The following SNRNP25 variants were observed in gnomAD, a reference collection of about 807,000 sequenced individuals.
SNRNP25 encodes small nuclear ribonucleoprotein U11/U12 subunit 25.
In SNRNP25, 21 loss-of-function variants were observed where a neutral mutation model predicts 23.9. The observed-to-expected ratio is 0.88, with a 90% CI of 0.62 to 1.27. SNRNP25 has a LOEUF of 1.27. Among genes scored for constraint, SNRNP25 ranks in the 50% most tolerant of loss-of-function variants. The pLI, the probability that SNRNP25 is intolerant of heterozygous loss-of-function variation, is 0.00. For synonymous variants in SNRNP25, 63 were observed against 60.4 expected (o/e 1.04, Z -0.20); for missense variants, 160 against 156.9 (o/e 1.02, Z -0.11).
chr16:55,730 T>G (rs1253141497), intron 2 of SNRNP25, 47 bp from the exon 3 acceptor site: 10 of 1,604,870 alleles, frequency 6.2e-6, no homozygotes, highest in African/African-American at 1.3e-5. Flanking sequence ...GGCTGTGGCT[T>G]TGGGTTCTCA....
chr16:57,451 A>C lies in SNRNP25; in HGVS notation c.*308A>C. On this transcript the variant is annotated 3_prime_UTR_variant, in exon 5 of 5. Coordinates refer to ENST00000293861, the MANE Select transcript of SNRNP25 (RefSeq NM_024571.4). ...TAAACCTGTTTGCTTCTTAGTTTGA[A>C]AAGTAGAAAGCCACAGTAACCTGGG... 1 of 419,862 alleles carries C rather than the reference A, an allele frequency of 2.4e-6. No individual in the cohort carries two copies. Among genetic ancestry groups the C allele is most frequent in the Non-Finnish European group, 4.4e-6 (1 of 228,856 alleles). The allele number at this position is 419,862 out of a possible 1,614,324, so 26.0% of individuals were successfully genotyped here.
At position 53,835 on chromosome 16, in the gene SNRNP25, C is replaced by T; in HGVS notation, c.-182C>T. 2 of 1,393,008 alleles carry T rather than the reference C, an allele frequency of 1.4e-6. No homozygotes were observed. The highest frequency in any genetic ancestry group is 1.9e-6 in the Non-Finnish European group (2 of 1,054,564). The allele number at this position is 1,393,008 out of a possible 1,614,324, so 86.3% of individuals were successfully genotyped here. ...GCCTCGCTGGGGCGGGCCGCAGTTC[C>T]TGCGCGTGCGCGCTTGGCCTCCCTA... On this transcript the variant is annotated 5_prime_UTR_variant, in exon 1 of 5. Transcript: ENST00000293861.
Position 55,514 on chromosome 16 carries a change from C to G in SNRNP25, c.98C>G (p.Thr33Arg). The G allele has an allele frequency of 6.2e-7, 1 of 1,614,150 alleles. No individual in the cohort carries two copies. Among genetic ancestry groups the G allele is most frequent in the Non-Finnish European group, 8.5e-7 (1 of 1,180,024 alleles). Residue 33 changes from threonine (T) to arginine (R), a missense_variant, in exon 2 of 5, where the codon ACG becomes AGG. Coordinates refer to ENST00000293861, the MANE Select transcript of SNRNP25 (RefSeq NM_024571.4). ...QIALEYGQAM[T>R]VRVCKMDGEV... ...GCCCTAGAATACGGCCAGGCAATGA[C>G]GGTCCGAGTGTGCAAGATGGATGGA...
In SNRNP25 at chr16:55,839, C is replaced by T. The variant is rs1487689321; in HGVS notation, c.196C>T (p.Gln66Ter). The T allele has an allele frequency of 6.2e-7, 1 of 1,614,070 alleles. No homozygotes were observed. The highest frequency in any genetic ancestry group is 2.2e-5 in the East Asian group (1 of 44,904). Residue 66 changes from glutamine (Q) to a stop codon, truncating the protein, a stop_gained, in exon 3 of 5, where the codon CAG becomes TAG. Transcript: ENST00000293861. LOFTEE classifies it high-confidence loss of function. ...GAAGAAGGCCATCCAGAGATACGTG[C>T]AGCTCAAGCAGGAGCGTGAAGGGGG... ...DLKKAIQRYV[Q>*]LKQEREGGIQ...
rs1897373411 is a variant in SNRNP25 at position 53,917 on chromosome 16, G to A, written c.-100G>A. On this transcript the variant is annotated 5_prime_UTR_variant, in exon 1 of 5. Transcript: ENST00000293861. Reference sequence around the variant, plus strand: ...TGAGAGGGGCGGCCCTGGAGGAGACGGAGGCCGCGGGTGGGCCCGAGGCGC... The same window carrying A: ...TGAGAGGGGCGGCCCTGGAGGAGACAGAGGCCGCGGGTGGGCCCGAGGCGC... 2 of 1,539,018 alleles carry A rather than the reference G, an allele frequency of 1.3e-6. No individual in the cohort carries two copies. The highest frequency in any genetic ancestry group is 1.9e-5 in the Admixed American group (1 of 51,414).
chr16:57,537 C>T lies in SNRNP25; in HGVS notation c.*394C>T, dbSNP rs969886977. The T allele has an allele frequency of 4.1e-6, 1 of 241,652 alleles. No individual in the cohort carries two copies. Among genetic ancestry groups the T allele is most frequent in the African/African-American group, 2.2e-5 (1 of 45,668 alleles). 15.0% of individuals were successfully genotyped at this position (241,652 alleles called of 1,614,324 possible). Reference sequence around the variant, plus strand: ...GTTAAGGGGAGAGAATTGGTACAGGCGAGTCCTATAGTCCAAGATGGCGCC... The same window carrying T: ...GTTAAGGGGAGAGAATTGGTACAGGTGAGTCCTATAGTCCAAGATGGCGCC... On this transcript the variant is annotated 3_prime_UTR_variant, in exon 5 of 5. Coordinates refer to ENST00000293861, the MANE Select transcript of SNRNP25 (RefSeq NM_024571.4).
chr16:55,440 T>C lies in SNRNP25; in HGVS notation c.43-19T>C. The C allele has an allele frequency of 6.2e-7, 1 of 1,612,318 alleles. No individual in the cohort carries two copies. The highest frequency in any genetic ancestry group is 8.5e-7 in the Non-Finnish European group (1 of 1,178,392). The stretch of plus-strand genomic sequence containing the variant: ...TAAAGAGAGCCAGGGTTCCCACTTC[T>C]GCCCTTGGTCTTTTGTAGGTTACTC... On this transcript the variant is annotated intron_variant, in intron 1 of 4. Coordinates refer to ENST00000293861, the MANE Select transcript of SNRNP25 (RefSeq NM_024571.4).
rs1410434921 is a variant in SNRNP25, at chr16:57,615, A to T, written c.*472A>T. 1 of 171,680 alleles carries T rather than the reference A, an allele frequency of 5.8e-6. No individual in the cohort carries two copies. Among genetic ancestry groups the T allele is most frequent in the Non-Finnish European group, 1.3e-5 (1 of 79,228 alleles). The allele number at this position is 171,680 out of a possible 1,614,324, so 10.6% of individuals were successfully genotyped here. ...ACTCCCCAAACCACACAACTGTGTT[A>T]CCATGATCTCCACAGCAAGGAGGAA... On this transcript the variant is annotated 3_prime_UTR_variant, in exon 5 of 5. Coordinates refer to ENST00000293861, the MANE Select transcript of SNRNP25 (RefSeq NM_024571.4).
chr16:54,760 A>C (rs184720987), intron 1 of SNRNP25, among the ~76,000 whole-genome samples: 202 of 152,030 alleles, frequency 1.3e-3, no homozygotes, highest in Admixed American at 3.1e-3. Flanking sequence ...GTCCGTTGCC[A>C]GGCTGGAGTG....
chr16:54,190 G>A, intron 1 of SNRNP25, 132 bp downstream of exon 1: 1 of 1,083,628 alleles, frequency 9.2e-7, no homozygotes, highest in East Asian at 2.6e-5. Context: ...GGGCGTAAAC[G>A]AGGGTTTTAA....
At chr16:56,676 T>C in intron 4 of SNRNP25, 63 bp downstream of exon 4, 1 of 1,562,644 alleles carries the variant, frequency 6.4e-7, no homozygotes, top group Non-Finnish European at 8.8e-7. Flanking sequence ...TAGTCCCCCA[T>C]GCTCTGCCAG....
intron 1 of SNRNP25, 82 bp downstream of exon 1, chr16:54,140 T>A: frequency 6.8e-7 from 1 of 1,467,242 alleles, no homozygotes; most frequent in Non-Finnish European, 9.2e-7. Flanking sequence ...CCGAAGGTGC[T>A]GGTGGGAGAC....
chr16:55,572 C>T (rs973347387), intron 2 of SNRNP25, 23 bp downstream of exon 2: 2 of 1,612,480 alleles, frequency 1.2e-6, no homozygotes, highest in African/African-American at 2.7e-5. Flanking sequence ...CTCCTCCCTT[C>T]AGGTTATGTG....
rs1472244535 is a variant in SNRNP25 at position 54,003 on chromosome 16, A to C, written c.-14A>C. 1.2e-6 allele frequency: 2 copies of C among 1,610,264 alleles called. No homozygotes were observed. The highest frequency in any genetic ancestry group is 1.7e-5 in the Admixed American group (1 of 59,682). On this transcript the variant is annotated 5_prime_UTR_variant, in exon 1 of 5. Coordinates refer to ENST00000293861, the MANE Select transcript of SNRNP25 (RefSeq NM_024571.4). ...CACTCCGAGGCCATGGACGTGTTCC[A>C]GGAGGGTCTGGCTATGGTGGTGCAG... is the stretch of plus-strand genomic sequence containing the variant.
chr16:54,183 C>G, intron 1 of SNRNP25, 125 bp downstream of exon 1: 1 of 1,125,032 alleles, frequency 8.9e-7, no homozygotes, highest in Non-Finnish European at 1.3e-6. Context: ...CGCCTCTGGG[C>G]GTAAACGAGG....
chr16:57,072 T>G lies in SNRNP25; in HGVS notation c.315-14T>G, dbSNP rs750063803. The stretch of plus-strand genomic sequence containing the variant: ...CTGTAGGGCAGGTGCTTTATGCCTT[T>G]CCTTCTTTTTCAGCTACGGCATCCG... On this transcript the variant is annotated splice_polypyrimidine_tract_variant and intron_variant, in intron 4 of 4. Coordinates refer to ENST00000293861, the MANE Select transcript of SNRNP25 (RefSeq NM_024571.4). 6.2e-7 allele frequency: 1 copy of G among 1,614,120 alleles called. No homozygotes were observed. Among genetic ancestry groups the G allele is most frequent in the Non-Finnish European group, 8.5e-7 (1 of 1,179,990 alleles).
At chr16:56,460 G>T in intron 3 of SNRNP25, 79 bp from the exon 4 acceptor site, 1 of 1,370,420 alleles carries the variant, frequency 7.3e-7, no homozygotes. Flanking sequence ...AGGACTGCAT[G>T]CCTCAAGCCC....
chr16:54,302 G>A (rs1219134166), intron 1 of SNRNP25, among the ~76,000 whole-genome samples: 2 of 152,206 alleles, frequency 1.3e-5, no homozygotes, highest in East Asian at 3.8e-4. Context: ...TTGTATTTAG[G>A]GGGCTCGGGG....
rs763689542 is a variant in SNRNP25 at position 55,447 on chromosome 16, G to C, written c.43-12G>C. 1.2e-6 allele frequency: 2 copies of C among 1,613,208 alleles called. No individual in the cohort carries two copies. Among genetic ancestry groups the C allele is most frequent in the Non-Finnish European group, 1.7e-6 (2 of 1,179,274 alleles). ...AGCCAGGGTTCCCACTTCTGCCCTT[G>C]GTCTTTTGTAGGTTACTCTGGAAGA... On this transcript the variant is annotated splice_polypyrimidine_tract_variant and intron_variant, in intron 1 of 4. Transcript: ENST00000293861.
Sources: gnomAD v4.1 joint callset for allele counts (sites outside exome capture counted in the v4.1 genomes callset) on GRCh38, gnomAD v4.1.1 for gene constraint, MANE v1.5 for transcripts, NCBI Gene and HGNC (gene_info 2026-07-23, HGNC 2026-07-21) for gene names.